CTXND2: variants seen among roughly 807,000 people sequenced by gnomAD.
The protein encoded by CTXND2 is cortexin domain containing 2.
intron 1 of CTXND2, among the ~76,000 whole-genome samples, chr1:150,891,084 T>C (rs758343599): frequency 3.9e-5 from 6 of 152,172 alleles, no homozygotes; most frequent in African/African-American, 1.2e-4. Context: ...AGTTTCCACA[T>C]TGACAAACAT....
chr1:150,900,546 A>G (rs587694647), intron 1 of CTXND2, among the ~76,000 whole-genome samples: 1 of 152,280 alleles, frequency 6.6e-6, no homozygotes, highest in South Asian at 2.1e-4. Flanking sequence ...GCTATTTGGG[A>G]AACAGGCTGG....
At chr1:150,904,123 C>G in intron 1 of CTXND2, 7 of 661,976 alleles carry the variant, frequency 1.1e-5, no homozygotes, top group Non-Finnish European at 2.0e-5. Flanking sequence ...AGAAGTACAT[C>G]CCTGGAACAA....
intron 1 of CTXND2, among the ~76,000 whole-genome samples, chr1:150,888,264 A>G (rs1340023647): frequency 4.1e-5 from 6 of 148,008 alleles, no homozygotes; most frequent in Admixed American, 1.4e-4. Flanking sequence ...CCTAGGCTGG[A>G]GTGCAGTGGC....
chr1:150,911,408 G>A (rs759243789), intron 1 of CTXND2, among the ~76,000 whole-genome samples: 7 of 151,282 alleles, frequency 4.6e-5, no homozygotes, highest in Non-Finnish European at 7.4e-5. Flanking sequence ...TAAGGTTTTG[G>A]GTTTTTTTTT....
At chr1:150,902,864 C>T (rs1055374897) in intron 1 of CTXND2, among the ~76,000 whole-genome samples, 8 of 152,106 alleles carry the variant, frequency 5.3e-5, no homozygotes, top group African/African-American at 1.9e-4. Flanking sequence ...TATTTTCCCT[C>T]TGTACACCTT....
chr1:150,897,646 AG>A (rs1668928470), intron 1 of CTXND2, among the ~76,000 whole-genome samples: 1 of 152,230 alleles, frequency 6.6e-6, no homozygotes, highest in Non-Finnish European at 1.5e-5. Flanking sequence ...TAATAGATAC[AG>A]GGAGTGAGAA....
At chr1:150,909,237 C>CAAA (rs374506106) in intron 1 of CTXND2, among the ~76,000 whole-genome samples, 2 of 82,042 alleles carry the variant, frequency 2.4e-5, no homozygotes, top group African/African-American at 5.0e-5. Context: ...GACTCCTTCT[C>CAAA]AAAAAAAAAA....
intron 1 of CTXND2, chr1:150,903,874 G>C (rs180881387): frequency 6.1e-4 from 358 of 582,148 alleles, no homozygotes; most frequent in African/African-American, 5.6e-3. Context: ...CGTTGCACCA[G>C]TGATGAAAAA....
At chr1:150,911,966 T>C (rs1458428781) in intron 1 of CTXND2, among the ~76,000 whole-genome samples, 1 of 152,220 alleles carries the variant, frequency 6.6e-6, no homozygotes, top group African/African-American at 2.4e-5. Context: ...CAGTTTTACC[T>C]GGATCTTAGG....
At chr1:150,900,020 A>C (rs1399914633) in intron 1 of CTXND2, among the ~76,000 whole-genome samples, 2 of 152,150 alleles carry the variant, frequency 1.3e-5, no homozygotes, top group Non-Finnish European at 2.9e-5. Flanking sequence ...TGTAAAATGG[A>C]CCAATCAGCA....
intron 1 of CTXND2, among the ~76,000 whole-genome samples, chr1:150,902,738 G>GAA (rs961492756): frequency 1.3e-5 from 2 of 151,850 alleles, no homozygotes; most frequent in African/African-American, 4.8e-5. Context: ...AATAGTAGGG[G>GAA]AAAAAACTCT....
At chr1:150,900,450 T>A (rs1668991372) in intron 1 of CTXND2, among the ~76,000 whole-genome samples, 1 of 152,198 alleles carries the variant, frequency 6.6e-6, no homozygotes, top group African/African-American at 2.4e-5. Flanking sequence ...CGTGAGGGTC[T>A]GCAGCTTCAG....
intron 1 of CTXND2, among the ~76,000 whole-genome samples, chr1:150,897,771 C>T (rs587710399): frequency 1.3e-5 from 2 of 152,060 alleles, no homozygotes; most frequent in South Asian, 4.2e-4. Flanking sequence ...ATATATACAC[C>T]CAAAGGGTGG....
chr1:150,897,685 C>T (rs1668928946), intron 1 of CTXND2, among the ~76,000 whole-genome samples: 1 of 152,130 alleles, frequency 6.6e-6, no homozygotes, highest in African/African-American at 2.4e-5. Context: ...TGCAAAAATG[C>T]ATATGACCTT....
intron 1 of CTXND2, among the ~76,000 whole-genome samples, chr1:150,908,010 GCTTT>G (rs1276083874): frequency 1.4e-4 from 21 of 145,144 alleles, no homozygotes; most frequent in African/African-American, 5.2e-4. Flanking sequence ...TGCCCAGCCA[GCTTT>G]TTTTTTTTTT....
At chr1:150,891,324 C>T (rs1220698303) in intron 1 of CTXND2, among the ~76,000 whole-genome samples, 1 of 152,094 alleles carries the variant, frequency 6.6e-6, no homozygotes, top group Admixed American at 6.5e-5. Context: ...CACCATTCTC[C>T]TGCCTCAGCC....
chr1:150,912,584 T>C (rs1467483869), exon 2 of CTXND2: 4 of 397,320 alleles, frequency 1.0e-5, no homozygotes, highest in Non-Finnish European at 1.8e-5. Context: ...TTCTCACTCT[T>C]GCATTCCACA....
chr1:150,894,746 C>CT (rs1668891679), intron 1 of CTXND2, among the ~76,000 whole-genome samples: 1 of 151,944 alleles, frequency 6.6e-6, no homozygotes, highest in Non-Finnish European at 1.5e-5. Flanking sequence ...CTTAATAATG[C>CT]TTTTTGTGGC....
At chr1:150,909,991 T>C (rs1327071680) in intron 1 of CTXND2, among the ~76,000 whole-genome samples, 1 of 152,182 alleles carries the variant, frequency 6.6e-6, no homozygotes, top group Non-Finnish European at 1.5e-5. Flanking sequence ...GATGATCTGG[T>C]TGAGTTTCAG....
Sources: allele counts gnomAD v4.1 joint callset (sites outside exome capture counted in the v4.1 genomes callset), GRCh38; gene constraint gnomAD v4.1.1; transcripts MANE v1.5; gene names NCBI Gene and HGNC (gene_info 2026-07-23, HGNC 2026-07-21).